Variants in RGS12 observed in about 807,000 individuals in gnomAD.
RGS12 encodes the protein regulator of G-protein signaling 12.
RGS12 carries 66 observed loss-of-function variants against 120.1 expected under a neutral mutation model. That is an observed-to-expected ratio of 0.55 (90% confidence interval 0.45 to 0.67). RGS12 has a LOEUF of 0.67. Among genes scored for constraint, RGS12 ranks in the 30% least tolerant of loss-of-function variants. The probability of loss-of-function intolerance (pLI) is 0.00; values close to 1 mark genes in which losing one functional copy is unlikely to be tolerated. For synonymous variants in RGS12, 827 were observed against 804.7 expected (o/e 1.03, Z -0.47); for missense variants, 1,859 against 1,957.7 (o/e 0.95, Z 0.95).
chr4:3,330,594 G>A (rs982774452), intron 2 of RGS12, among the ~76,000 whole-genome samples: 1 of 152,062 alleles, frequency 6.6e-6, no homozygotes, highest in South Asian at 2.1e-4. Context: ...TTTTTTGATT[G>A]AATGAAATTG....
upstream of RGS12, among the ~76,000 whole-genome samples, chr4:3,290,220 A>G (rs762910387): frequency 4.3e-4 from 66 of 152,132 alleles, no homozygotes; most frequent in Non-Finnish European, 8.2e-4. Context: ...TTTGTTGTGG[A>G]ACCTCCATAC....
intron 3 of RGS12, among the ~76,000 whole-genome samples, chr4:3,363,833 G>A (rs1015420029): frequency 6.6e-6 from 1 of 152,124 alleles, no homozygotes; most frequent in African/African-American, 2.4e-5. Context: ...CTGGAAGGAA[G>A]CTTGGTACTA....
At chr4:3,414,952 T>C in intron 6 of RGS12, 108 bp downstream of exon 6, 1 of 689,254 alleles carries the variant, frequency 1.5e-6, no homozygotes, top group Non-Finnish European at 2.4e-6. Flanking sequence ...GTGAGGGGTG[T>C]GTGTGAGGGG....
intron 3 of RGS12, among the ~76,000 whole-genome samples, chr4:3,343,537 C>T (rs1442612248): frequency 5.9e-5 from 9 of 152,024 alleles, no homozygotes; most frequent in African/African-American, 1.9e-4. Flanking sequence ...AAAAATGCGC[C>T]GTCGGGATCA....
At chr4:3,436,963 G>C (rs988627918) in intron 17 of RGS12, among the ~76,000 whole-genome samples, 1 of 152,236 alleles carries the variant, frequency 6.6e-6, no homozygotes, top group Non-Finnish European at 1.5e-5. Flanking sequence ...CTCAGGTCTG[G>C]ATGTTTGGAG....
chr4:3,405,708 T>A (rs1186853371), intron 4 of RGS12, among the ~76,000 whole-genome samples: 2 of 151,964 alleles, frequency 1.3e-5, no homozygotes, highest in Non-Finnish European at 2.9e-5. Context: ...TCCAACTTAA[T>A]CTCAGATAGT....
At chr4:3,382,656 C>A (rs1250526786) in intron 3 of RGS12, among the ~76,000 whole-genome samples, 1 of 152,008 alleles carries the variant, frequency 6.6e-6, no homozygotes, top group Non-Finnish European at 1.5e-5. Context: ...CTCTCTCTCT[C>A]CTCCTTATTT....
At chr4:3,437,469 C>T (rs1053798157) in intron 17 of RGS12, among the ~76,000 whole-genome samples, 3 of 152,144 alleles carry the variant, frequency 2.0e-5, no homozygotes, top group Admixed American at 6.5e-5. Context: ...TATTGACCGG[C>T]GAGAGGGGGC....
intron 4 of RGS12, among the ~76,000 whole-genome samples, chr4:3,402,505 G>A (rs542322099): frequency 2.6e-5 from 4 of 152,276 alleles, no homozygotes; most frequent in Admixed American, 2.6e-4. Flanking sequence ...GGAAGCACAG[G>A]TCCCCAGGAC....
intron 9 of RGS12, 80 bp from the exon 10 acceptor site, chr4:3,420,562 A>G (rs150664675): frequency 0.012 from 16,919 of 1,428,938 alleles, 135 homozygotes; most frequent in Non-Finnish European, 0.014. Context: ...TGCTCAGCCT[A>G]AAGGGGGCAG....
At chr4:3,300,980 G>A (rs35450001) in intron 1 of RGS12, among the ~76,000 whole-genome samples, 12,242 of 152,258 alleles carry the variant, frequency 0.08, 660 homozygotes, top group African/African-American at 0.15. Flanking sequence ...GAGGAGCCAC[G>A]TGAGGAGGTC....
chr4:3,303,264 G>T (rs535184766), intron 1 of RGS12, among the ~76,000 whole-genome samples: 1 of 152,152 alleles, frequency 6.6e-6, no homozygotes, highest in African/African-American at 2.4e-5. Flanking sequence ...GGCAAGTGGG[G>T]TACAGCGGGG....
intron 10 of RGS12, 22 bp downstream of exon 10, chr4:3,420,740 T>C: frequency 6.2e-7 from 1 of 1,601,072 alleles, no homozygotes; most frequent in Non-Finnish European, 8.5e-7. Flanking sequence ...TCTCCCCTCG[T>C]CCCACAGGCC....
chr4:3,423,230 A>G (rs551193776), intron 12 of RGS12, among the ~76,000 whole-genome samples: 2 of 152,272 alleles, frequency 1.3e-5, no homozygotes, highest in African/African-American at 4.8e-5. Flanking sequence ...GCCCCCTAAG[A>G]TGCCGAGAGG....
At chr4:3,342,004 T>G (rs1027746386) in intron 2 of RGS12, among the ~76,000 whole-genome samples, 10 of 150,418 alleles carry the variant, frequency 6.6e-5, no homozygotes, top group Admixed American at 2.6e-4. Flanking sequence ...GTCAGCGTGG[T>G]GGTCAAGGAG....
chr4:3,351,710 C>T (rs1334193890), intron 3 of RGS12, among the ~76,000 whole-genome samples: 3 of 152,100 alleles, frequency 2.0e-5, no homozygotes, highest in Non-Finnish European at 4.4e-5. Context: ...AAATGGCTGT[C>T]CAGTGCTGCG....
At chr4:3,304,818 G>A (rs183010246) in intron 1 of RGS12, among the ~76,000 whole-genome samples, 4 of 152,316 alleles carry the variant, frequency 2.6e-5, no homozygotes, top group African/African-American at 9.6e-5. Flanking sequence ...CAAGTCAAAC[G>A]ACCCTGGAGC....
intron 3 of RGS12, chr4:3,385,723 C>G (rs1266477407): frequency 6.5e-6 from 1 of 153,374 alleles, no homozygotes; most frequent in African/African-American, 2.4e-5. Flanking sequence ...AGCCAGCCAC[C>G]CTGCTCTCCT....
At chr4:3,368,668 AG>A (rs1215624571) in intron 3 of RGS12, among the ~76,000 whole-genome samples, 3 of 40,612 alleles carry the variant, frequency 7.4e-5, no homozygotes, top group African/African-American at 2.0e-4. Flanking sequence ...ATGTGTGTGT[AG>A]GGGGGGTGCC....
Sources: gnomAD v4.1 joint callset for allele counts (sites outside exome capture counted in the v4.1 genomes callset) on GRCh38, gnomAD v4.1.1 for gene constraint, MANE v1.5 for transcripts, NCBI Gene and HGNC (gene_info 2026-07-23, HGNC 2026-07-21) for gene names.